The following FSTL4 variants were observed in gnomAD, a reference collection of about 807,000 sequenced individuals.
FSTL4 encodes follistatin-related protein 4.
In FSTL4, 28 loss-of-function variants were observed where a neutral mutation model predicts 78.2. The observed-to-expected ratio is 0.36, with a 90% confidence interval of 0.27 to 0.49. The LOEUF is 0.49. Among genes scored for constraint, FSTL4 ranks in the 20% least tolerant of loss-of-function variants. The pLI is 0.98. For synonymous variants in FSTL4, 422 were observed against 440.5 expected (o/e 0.96, Z 0.53); for missense variants, 922 against 1,084.9 (o/e 0.85, Z 2.11).
intron 4 of FSTL4, among the ~76,000 whole-genome samples, chr5:133,364,465 C>G (rs539754395): frequency 6.6e-6 from 1 of 152,326 alleles, no homozygotes; most frequent in South Asian, 2.1e-4. Flanking sequence ...GCCTCTTACA[C>G]CTGCTGAGCC....
chr5:133,749,015 T>G, the FSTL4 span, among the ~76,000 whole-genome samples: 3 of 152,016 alleles, frequency 2.0e-5, 1 homozygote, highest in Admixed American at 2.0e-4. Context: ...GATAGGACAA[T>G]TGGTGCCTCG....
intron 2 of FSTL4, among the ~76,000 whole-genome samples, chr5:133,600,760 A>G (rs1191095368): frequency 1.3e-5 from 2 of 152,364 alleles, no homozygotes; most frequent in African/African-American, 4.8e-5. Flanking sequence ...AGGTAAATCA[A>G]ATCTTATTAA....
At chr5:133,318,519 C>T (rs903590795) in intron 4 of FSTL4, among the ~76,000 whole-genome samples, 1 of 152,132 alleles carries the variant, frequency 6.6e-6, no homozygotes, top group Non-Finnish European at 1.5e-5. Context: ...GAGGTGGGGC[C>T]AGCTGCTGGG....
At chr5:133,434,086 G>A (rs1053821350) in intron 3 of FSTL4, among the ~76,000 whole-genome samples, 6 of 152,126 alleles carry the variant, frequency 3.9e-5, no homozygotes, top group African/African-American at 1.2e-4. Flanking sequence ...GGTCTGCAAC[G>A]GGGCAAAAGG....
chr5:133,379,684 C>A (rs527982490), intron 4 of FSTL4, among the ~76,000 whole-genome samples: 1 of 152,114 alleles, frequency 6.6e-6, no homozygotes. Context: ...AGAAAATACA[C>A]TTTGATATGA....
intron 2 of FSTL4, among the ~76,000 whole-genome samples, chr5:133,589,286 TA>T (rs113649317): frequency 0.011 from 889 of 80,350 alleles, 78 homozygotes; most frequent in African/African-American, 0.031. Flanking sequence ...TAGAGTATAA[TA>T]AAAAAAAAAA....
chr5:133,413,802 A>G (rs1024845465), intron 3 of FSTL4, among the ~76,000 whole-genome samples: 1 of 152,054 alleles, frequency 6.6e-6, no homozygotes, highest in Non-Finnish European at 1.5e-5. Context: ...CTCTTCAGCT[A>G]TTTCTAACCT....
chr5:133,197,902 GC>G lies in FSTL4; in HGVS notation c.*1192del, dbSNP rs962931161. ...ACATAAGGAGAATGCAGTAGTGCCA[GC>G]CTGTGGCCTTCTGTTCTGGGTTCTG... On this transcript the variant is annotated 3_prime_UTR_variant, in exon 16 of 16. Transcript: ENST00000265342. The G allele has an allele frequency of 5.2e-5, 8 of 152,464 alleles. No homozygotes were observed. The highest frequency in any genetic ancestry group is 4.6e-4 in the Admixed American group (7 of 15,286). 9.4% of individuals were successfully genotyped at this position (152,464 alleles called of 1,614,324 possible).
intron 6 of FSTL4, chr5:133,270,227 T>G (rs1440789997): frequency 1.3e-5 from 2 of 152,252 alleles, no homozygotes; most frequent in African/African-American, 2.4e-5. Flanking sequence ...TTCGCTCTGA[T>G]GGACTCTCCT....
Position 133,339,640 on chromosome 5 carries a change from G to T in FSTL4, c.410-22988C>A, listed in dbSNP as rs10064340. Among the ~76,000 whole-genome samples the T allele has an allele frequency of 7.7e-3, 1,169 of 152,280 alleles. 5 individuals are homozygous for T. Among genetic ancestry groups the T allele is most frequent in the South Asian group, 0.022 (104 of 4,822 alleles). On this transcript the variant is annotated intron_variant, in intron 4 of 15. Coordinates refer to ENST00000265342, the MANE Select transcript of FSTL4 (RefSeq NM_015082.2). ...GGCTTTGTCCAGAGTTGCTTCTACT[G>T]AGACATGCATGGCCTCTAAGTTTCC...
chr5:133,457,318 C>G (rs1468204541), intron 3 of FSTL4, among the ~76,000 whole-genome samples: 2 of 152,172 alleles, frequency 1.3e-5, no homozygotes, highest in Non-Finnish European at 2.9e-5. Context: ...CTGCTTCCAG[C>G]CTTTCACCCT....
chr5:133,734,137 G>C, the FSTL4 span, among the ~76,000 whole-genome samples: 2 of 152,228 alleles, frequency 1.3e-5, no homozygotes, highest in Non-Finnish European at 2.9e-5. Flanking sequence ...CATTCAAGGG[G>C]AGGGGAAGGA....
intron 3 of FSTL4, among the ~76,000 whole-genome samples, chr5:133,448,606 C>A (rs557821584): frequency 6.6e-6 from 1 of 152,278 alleles, no homozygotes; most frequent in South Asian, 2.1e-4. Flanking sequence ...AGCTCACTGT[C>A]ACTGTCCTCA....
At chr5:133,575,938 A>C (rs192190809) in intron 2 of FSTL4, among the ~76,000 whole-genome samples, 1 of 152,382 alleles carries the variant, frequency 6.6e-6, no homozygotes, top group East Asian at 1.9e-4. Context: ...CAAATCATTT[A>C]AAATGTCATT....
the FSTL4 span, among the ~76,000 whole-genome samples, chr5:133,683,573 C>T: frequency 1.3e-5 from 2 of 152,248 alleles, no homozygotes; most frequent in East Asian, 1.9e-4. Flanking sequence ...CATCAAGATC[C>T]GATTTGTTTA....
intron 3 of FSTL4, among the ~76,000 whole-genome samples, chr5:133,448,737 G>A (rs1317695552): frequency 7.4e-6 from 1 of 135,318 alleles, no homozygotes; most frequent in Non-Finnish European, 1.6e-5. Flanking sequence ...GGGGTGCGGG[G>A]GCGGGGGGGG....
Position 133,309,726 on chromosome 5 carries a change from C to T in FSTL4, c.727+2928G>A, listed in dbSNP as rs533490526. On this transcript the variant is annotated intron_variant, in intron 6 of 15. Transcript: ENST00000265342. ...TAAATACAACTTCCTTCTCTGGGTA[C>T]AACAGCCCCAAACCCATCATCCTTT... is the stretch of plus-strand genomic sequence containing the variant. Among the ~76,000 whole-genome samples, 201 of 152,332 alleles carry T rather than the reference C, an allele frequency of 1.3e-3. 1 individual carries two copies. Among genetic ancestry groups the T allele is most frequent in the African/African-American group, 4.7e-3 (197 of 41,568 alleles).
chr5:133,533,713 C>T lies in FSTL4; in HGVS notation c.160+33473G>A, dbSNP rs1242557073. ...GAACAAACATTCGCTTCATCAGCAA[C>T]CTCATCCCACATTGGAAATGAGTCA... is the stretch of plus-strand genomic sequence containing the variant. On this transcript the variant is annotated intron_variant, in intron 3 of 15. Transcript: ENST00000265342. Among the ~76,000 whole-genome samples, 5 of 152,192 alleles carry T rather than the reference C, an allele frequency of 3.3e-5. No individual in the cohort carries two copies. The South Asian group carries it at 1.0e-3, about 32-fold the overall frequency.
At chr5:133,699,371 T>C in the FSTL4 span, among the ~76,000 whole-genome samples, 1 of 151,962 alleles carries the variant, frequency 6.6e-6, no homozygotes. Flanking sequence ...ACCATTTGCA[T>C]CAAAAACCAC....
Sources: gnomAD v4.1 joint callset for allele counts (sites outside exome capture counted in the v4.1 genomes callset) on GRCh38, gnomAD v4.1.1 for gene constraint, MANE v1.5 for transcripts, NCBI Gene and HGNC (gene_info 2026-07-23, HGNC 2026-07-21) for gene names.